The following SERAC1 variants were observed in gnomAD, a reference collection of about 807,000 sequenced individuals.
SERAC1 encodes serine active site containing 1.
Under a neutral mutation model 85.7 loss-of-function variants are expected in SERAC1, and 36 were observed. The observed-to-expected ratio is 0.42, with a 90% CI of 0.32 to 0.55. The LOEUF is 0.55. SERAC1 is among the 20% of genes least tolerant of loss of function. The pLI, the probability that SERAC1 is intolerant of heterozygous loss-of-function variation, is 0.11. For missense variants in SERAC1, 629 were observed against 796.2 expected (o/e 0.79, Z 2.53); for synonymous variants, 242 against 265.3 (o/e 0.91, Z 0.85).
intron 8 of SERAC1, among the ~76,000 whole-genome samples, chr6:158,137,156 C>CA (rs754524031): frequency 0.012 from 1,238 of 99,166 alleles, 13 homozygotes; most frequent in African/African-American, 0.04. Flanking sequence ...GGCTGTGCCT[C>CA]AAAAAAAAAA....
intron 7 of SERAC1, 65 bp downstream of exon 7, chr6:158,144,234 A>C: frequency 2.3e-6 from 3 of 1,293,592 alleles, no homozygotes; most frequent in Non-Finnish European, 3.2e-6. Context: ...TTTGTACCCC[A>C]AGTGAAGATA....
At chr6:158,166,824 T>C (rs1449153565) in intron 1 of SERAC1, among the ~76,000 whole-genome samples, 1 of 152,144 alleles carries the variant, frequency 6.6e-6, no homozygotes, top group Non-Finnish European at 1.5e-5. Context: ...ATGCAGAAAT[T>C]AAGGCCATTT....
At chr6:158,127,269 C>T in intron 10 of SERAC1, among the ~76,000 whole-genome samples, 1 of 2,890 alleles carries the variant, frequency 3.5e-4, no homozygotes, top group Non-Finnish European at 7.1e-4. Context: ...CCCGCCCAGC[C>T]AGCCGCCCTG....
chr6:158,149,701 AG>A (rs762489817), intron 4 of SERAC1, among the ~76,000 whole-genome samples: 5 of 152,364 alleles, frequency 3.3e-5, no homozygotes, highest in Non-Finnish European at 5.9e-5. Flanking sequence ...ATACCATAAA[AG>A]CATGTTGAAA....
At chr6:158,158,038 G>A (rs1027155152) in intron 2 of SERAC1, among the ~76,000 whole-genome samples, 1 of 152,134 alleles carries the variant, frequency 6.6e-6, no homozygotes, top group African/African-American at 2.4e-5. Context: ...TTAAGTTTAG[G>A]ATGATGAGTA....
At chr6:158,143,335 CTCTCTCTCTCTCTATATATATATA>C (rs1478371233) in intron 7 of SERAC1, 151 bp from the exon 8 acceptor site, 2,165 of 134,206 alleles carry the variant, frequency 0.016, 8 homozygotes, top group African/African-American at 0.024. Context: ...CTCTCTCTCT[CTCTCTCTCTCTCTATATATATATA>C]TATATATATA....
intron 5 of SERAC1, among the ~76,000 whole-genome samples, chr6:158,147,626 T>G (rs2128421296): frequency 6.8e-6 from 1 of 147,392 alleles, no homozygotes; most frequent in South Asian, 2.1e-4. Context: ...AAAAATTAGC[T>G]GGGTGTGGTG....
In SERAC1 at chr6:158,120,245, C is replaced by G. The variant is rs897674635; in HGVS notation, c.1166+180G>C. ...CATGACAATTTAGCTAGTTCACATACTTTTCATGACAACCTCCAATTCTTT... is the reference window on the plus strand; with the variant it reads ...CATGACAATTTAGCTAGTTCACATAGTTTTCATGACAACCTCCAATTCTTT... On this transcript the variant is annotated intron_variant, in intron 11 of 16. Coordinates refer to ENST00000647468, the MANE Select transcript of SERAC1 (RefSeq NM_032861.4). This position sits in a 1 kb window ranked among gnomAD's most constrained non-coding sequence, Gnocchi z 4.4. Among the ~76,000 whole-genome samples, 1 of 152,196 alleles carries G rather than the reference C, an allele frequency of 6.6e-6. No homozygotes were observed. The highest frequency in any genetic ancestry group is 1.5e-5 in the Non-Finnish European group (1 of 68,036).
chr6:158,159,379 G>C (rs1036624561), intron 1 of SERAC1: 1 of 151,508 alleles, frequency 6.6e-6, no homozygotes, highest in Non-Finnish European at 1.5e-5. Context: ...CACTCCTGTA[G>C]TCCCAGCTAC....
At chr6:158,141,968 A>G (rs992742719) in intron 8 of SERAC1, among the ~76,000 whole-genome samples, 1 of 150,968 alleles carries the variant, frequency 6.6e-6, no homozygotes, top group African/African-American at 2.5e-5. Flanking sequence ...CAAAGAATAT[A>G]AAACACTGAT....
Position 158,143,347 on chromosome 6 carries a change from CTATATATA to C in SERAC1, c.610-171_610-164del, listed in dbSNP as rs753604114. Among the ~76,000 whole-genome samples the C allele has an allele frequency of 0.033, 1,524 of 46,236 alleles. 27 individuals are homozygous for C. Among genetic ancestry groups the C allele is most frequent in the Middle Eastern group, 0.05 (6 of 120 alleles). 30.3% of individuals were successfully genotyped at this position (46,236 alleles called of 152,430 possible). ...TCTCTCTCTCTCTCTCTCTCTCTCT[CTATATATA>C]TATATATATATATATATATACACAC... On this transcript the variant is annotated intron_variant, in intron 7 of 16. Coordinates refer to ENST00000647468, the MANE Select transcript of SERAC1 (RefSeq NM_032861.4).
intron 15 of SERAC1, chr6:158,114,526 CAT>C (rs1784228860): frequency 8.3e-7 from 1 of 1,202,504 alleles, no homozygotes; most frequent in Non-Finnish European, 1.0e-6. Flanking sequence ...AAAAGCAAAA[CAT>C]TATCTGATTA....
rs1379209246 is a variant in SERAC1, at chr6:158,117,926, A to AAGAT, written c.1309-109_1309-106dup. 6.1e-6 allele frequency: 5 copies of AAGAT among 816,542 alleles called. No homozygotes were observed. The highest frequency in any genetic ancestry group is 9.9e-6 in the Non-Finnish European group (5 of 504,318). 50.6% of individuals were successfully genotyped at this position (816,542 alleles called of 1,614,324 possible). A position where few individuals can be genotyped will look rare whatever the true frequency, so the allele number is the denominator to read the frequency against. ...CTAAAGGCCTCTTGCACTATAATTAAAGATAGCACTGGAATAAGGTTTGAA... is the reference window on the plus strand; with the variant it reads ...CTAAAGGCCTCTTGCACTATAATTAAAGATAGATAGCACTGGAATAAGGTTTGAA... On this transcript the variant is annotated intron_variant, in intron 12 of 16. Transcript: ENST00000647468. This position sits in a 1 kb window ranked among gnomAD's most constrained non-coding sequence, Gnocchi z 4.3.
chr6:158,146,102 T>C (rs1785049101), intron 6 of SERAC1: 1 of 152,310 alleles, frequency 6.6e-6, no homozygotes, highest in Admixed American at 6.5e-5. Flanking sequence ...AGCAATTAAA[T>C]GTACTTCATT....
intron 7 of SERAC1, 66 bp from the exon 8 acceptor site, chr6:158,143,250 A>G: frequency 6.4e-7 from 1 of 1,567,212 alleles, no homozygotes; most frequent in South Asian, 1.2e-5. Context: ...AAAATATCCA[A>G]AGACTCAAAG....
At chr6:158,113,368 G>T (rs1018109638) in intron 16 of SERAC1, 81 bp downstream of exon 16, 9 of 1,114,434 alleles carry the variant, frequency 8.1e-6, no homozygotes, top group Non-Finnish European at 1.1e-5. Context: ...TGAGAACCTG[G>T]ATATAAAAAT....
intron 8 of SERAC1, among the ~76,000 whole-genome samples, chr6:158,137,368 TTTTG>T (rs138823876): frequency 0.53 from 79,856 of 151,134 alleles, 21,388 homozygotes; most frequent in African/African-American, 0.61. Flanking sequence ...ATTCGTTGTT[TTTTG>T]TTTGTTTGTT....
chr6:158,161,739 G>C (rs1785492602), intron 1 of SERAC1: 1 of 151,676 alleles, frequency 6.6e-6, no homozygotes, highest in Admixed American at 6.6e-5. Flanking sequence ...ACCTGCCTGT[G>C]AGCATGCTTC....
intron 1 of SERAC1, among the ~76,000 whole-genome samples, chr6:158,167,223 T>TAAAAA (rs34350104): frequency 2.9e-5 from 3 of 101,834 alleles, no homozygotes; most frequent in South Asian, 3.5e-4. Flanking sequence ...CACACGATGT[T>TAAAAA]AAAAAAAAAA....
Sources: gnomAD v4.1 joint callset for allele counts (sites outside exome capture counted in the v4.1 genomes callset) on GRCh38, gnomAD v4.1.1 for gene constraint, Gnocchi (gnomAD v3.1) non-coding constraint, MANE v1.5 for transcripts, NCBI Gene and HGNC (gene_info 2026-07-23, HGNC 2026-07-21) for gene names.